CFLAR: variants seen among roughly 807,000 people sequenced by gnomAD.
The protein encoded by CFLAR is CASP8 and FADD like apoptosis regulator.
In CFLAR, 14 loss-of-function variants were observed where a neutral mutation model predicts 51.1. That is an observed-to-expected ratio of 0.27 (90% CI 0.18 to 0.43). The LOEUF is 0.43. CFLAR is among the 20% of genes least tolerant of loss of function. The probability of loss-of-function intolerance (pLI) is 1.00; values close to 1 mark genes in which losing one functional copy is unlikely to be tolerated. For synonymous variants in CFLAR, 210 were observed against 211.6 expected (o/e 0.99, Z 0.06); for missense variants, 390 against 566.5 (o/e 0.69, Z 3.16).
At chr2:201,151,745 C>T (rs1941316079) in intron 8 of CFLAR, among the ~76,000 whole-genome samples, 1 of 150,474 alleles carries the variant, frequency 6.6e-6, no homozygotes, top group Non-Finnish European at 1.5e-5. Context: ...AAAGCCATGA[C>T]CTGCTGTGAA....
chr2:201,132,076 G>A (rs1575653475), intron 2 of CFLAR, among the ~76,000 whole-genome samples: 1 of 151,858 alleles, frequency 6.6e-6, no homozygotes, highest in African/African-American at 2.4e-5. Flanking sequence ...CAGACTTTCC[G>A]GGAGGCACCA....
At chr2:201,133,603 T>G (rs1004210315) in intron 3 of CFLAR, among the ~76,000 whole-genome samples, 2 of 151,956 alleles carry the variant, frequency 1.3e-5, no homozygotes, top group African/African-American at 4.8e-5. Context: ...GTGACTGGTG[T>G]ATCTGGGAAA....
chr2:201,144,998 G>A (rs1425286647), intron 5 of CFLAR, among the ~76,000 whole-genome samples: 1 of 151,908 alleles, frequency 6.6e-6, no homozygotes, highest in Non-Finnish European at 1.5e-5. Context: ...GATTACAGGG[G>A]CACGCCACCA....
At chr2:201,143,737 G>T (rs575347502) in intron 5 of CFLAR, among the ~76,000 whole-genome samples, 1 of 152,300 alleles carries the variant, frequency 6.6e-6, no homozygotes, top group East Asian at 1.9e-4. Context: ...GCCGAGGCAG[G>T]TGGATCATGA....
intron 3 of CFLAR, 34 bp downstream of exon 3, chr2:201,133,168 A>AG: frequency 9.1e-6 from 14 of 1,542,638 alleles, no homozygotes; most frequent in Non-Finnish European, 1.3e-5. Flanking sequence ...TGGCCCCAGG[A>AG]GCCTATCAGA....
In CFLAR at chr2:201,163,890, A is replaced by T; in HGVS notation, c.1360A>T (p.Asn454Tyr). 6.2e-7 allele frequency: 1 copy of T among 1,614,148 alleles called. No individual in the cohort carries two copies. The highest frequency in any genetic ancestry group is 8.5e-7 in the Non-Finnish European group (1 of 1,180,004). Reference protein sequence around the residue: ...IELNGYMYDWNSRVSAKEKYY... With the variant: ...IELNGYMYDWYSRVSAKEKYY... ...ACTCAATGGCTACATGTATGATTGG[A>T]ACAGCAGAGTTTCTGCCAAGGAGAA... is the stretch of plus-strand genomic sequence containing the variant. Residue 454 changes from asparagine (N) to tyrosine (Y), a missense_variant, in exon 10 of 10, where the codon AAC (asparagine) becomes TAC (tyrosine). Asn to Tyr is a moderately radical substitution (Grantham distance 143, BLOSUM62 -2). Coordinates refer to ENST00000309955, the MANE Select transcript of CFLAR (RefSeq NM_003879.7).
chr2:201,151,005 C>T (rs1336277983), intron 8 of CFLAR: 1 of 152,154 alleles, frequency 6.6e-6, no homozygotes, highest in Non-Finnish European at 1.5e-5. Flanking sequence ...ATTCTGGCTT[C>T]ACATATTATC....
intron 3 of CFLAR, 92 bp downstream of exon 3, chr2:201,133,226 G>A (rs1575661831): frequency 3.4e-6 from 3 of 878,922 alleles, no homozygotes; most frequent in Non-Finnish European, 5.6e-6. Flanking sequence ...CAGGCAGTCT[G>A]CCGCCACTAT....
chr2:201,166,647 A>C lies in CFLAR; in HGVS notation c.*2674A>C, dbSNP rs911962164. ...GAGGCGGAGGCCGTAGCCAGCTGAG[A>C]TCACACCACTGCACTCCAGCCTGGG... On this transcript the variant is annotated 3_prime_UTR_variant, in exon 10 of 10. Transcript: ENST00000309955. 5.6e-6 allele frequency: 1 copy of C among 178,410 alleles called. No homozygotes were observed. The highest frequency in any genetic ancestry group is 1.2e-5 in the Non-Finnish European group (1 of 85,628). The allele number at this position is 178,410 out of a possible 1,614,324, so 11.1% of individuals were successfully genotyped here. A position where few individuals can be genotyped will look rare whatever the true frequency, so the allele number is the denominator to read the frequency against.
At position 201,138,184 on chromosome 2, in the gene CFLAR, C is replaced by T. The variant is rs2050402373; in HGVS notation, c.523+2077C>T. The T allele has an allele frequency of 4.1e-6, 4 of 968,682 alleles. No homozygotes were observed. The highest frequency in any genetic ancestry group is 1.6e-5 in the African/African-American group (1 of 62,530). 60.0% of individuals were successfully genotyped at this position (968,682 alleles called of 1,614,324 possible). On this transcript the variant is annotated intron_variant, in intron 4 of 9. Coordinates refer to ENST00000309955, the MANE Select transcript of CFLAR (RefSeq NM_003879.7). This position sits in a 1 kb window ranked among gnomAD's most constrained non-coding sequence, Gnocchi z 4.0. ...CCCCAATCACCTGGAGGTGGGGTTA[C>T]TTTTGTTTGATGTAATGCACCATGG...
At chr2:201,162,913 T>C in intron 9 of CFLAR, 1 of 661,834 alleles carries the variant, frequency 1.5e-6, no homozygotes, top group Non-Finnish European at 2.8e-6. Context: ...CTTCAGTTGT[T>C]GCACAGTGTT....
chr2:201,165,250 A>C lies in CFLAR; in HGVS notation c.*1277A>C, dbSNP rs569455273. ...AATATCATTAGAGTTGCTTATTATT[A>C]TTATTATTATTATTATTATTATTAT... On this transcript the variant is annotated 3_prime_UTR_variant, in exon 10 of 10. Transcript: ENST00000309955. 7.5e-3 allele frequency: 555 copies of C among 74,158 alleles called. 2 individuals are homozygous for C. Among genetic ancestry groups the C allele is most frequent in the African/African-American group, 0.019 (534 of 27,886 alleles). 4.6% of individuals were successfully genotyped at this position (74,158 alleles called of 1,614,324 possible).
Position 201,175,724 on chromosome 2 carries a change from C to G in CFLAR, c.*11751C>G, listed in dbSNP as rs1208723325. 6.6e-6 allele frequency: 1 copy of G among 152,180 alleles called. No homozygotes were observed. The highest frequency in any genetic ancestry group is 1.5e-5 in the Non-Finnish European group (1 of 68,050). The allele number at this position is 152,180 out of a possible 1,614,324, so 9.4% of individuals were successfully genotyped here. On this transcript the variant is annotated 3_prime_UTR_variant, in exon 10 of 10. Transcript: ENST00000309955. The stretch of plus-strand genomic sequence containing the variant: ...TGGTAAATCTGCAGCAACCTCAATT[C>G]TTTCCTCCTCAGAAGAAAGAATTTG...
Position 201,130,097 on chromosome 2 carries a change from G to C in CFLAR, c.232G>C (p.Ala78Pro). Residue 78 changes from alanine (A) to proline (P), a missense_variant, in exon 2 of 10, where the codon GCT becomes CCT. Physicochemically the swap from Ala to Pro is conservative, Grantham distance 27. Around this residue, in one of 2 missense-constraint regions of CFLAR, gnomAD observed 103 missense variants for 202.9 expected, o/e 0.51. Transcript: ENST00000309955. The stretch of plus-strand genomic sequence containing the variant: ...ACGTATCTTGAAGATGGACAGAAAA[G>C]CTGTGGAGACCCACCTGCTCAGGAA... The part of the protein sequence containing the change: ...LKRILKMDRK[A>P]VETHLLRNPH... 6.2e-7 allele frequency: 1 copy of C among 1,611,160 alleles called. No individual in the cohort carries two copies.
chr2:201,158,811 T>C (rs908093018), intron 8 of CFLAR, among the ~76,000 whole-genome samples: 1 of 151,710 alleles, frequency 6.6e-6, no homozygotes, highest in African/African-American at 2.4e-5. Flanking sequence ...ACAGTCCTGA[T>C]AACAGCTACC....
chr2:201,135,242 A>G (rs2049941742), intron 3 of CFLAR, among the ~76,000 whole-genome samples: 1 of 152,216 alleles, frequency 6.6e-6, no homozygotes, highest in South Asian at 2.1e-4. Flanking sequence ...CTTTAAAACT[A>G]TAACATGTGA....
At chr2:201,163,768 G>A (rs72931066) in intron 9 of CFLAR, 67 bp from the exon 10 acceptor site, 51,687 of 1,551,484 alleles carry the variant, frequency 0.033, 1,134 homozygotes, top group South Asian at 0.062. Flanking sequence ...GGCTCATTTC[G>A]CCCTAATGAC....
chr2:201,140,857 A>G (rs1447393649), intron 5 of CFLAR: 2 of 155,008 alleles, frequency 1.3e-5, no homozygotes, highest in African/African-American at 2.4e-5. Flanking sequence ...AACTTAAAAA[A>G]AGAAAATGTA....
intron 9 of CFLAR, chr2:201,163,388 C>T: frequency 1.7e-6 from 2 of 1,143,538 alleles, no homozygotes; most frequent in Non-Finnish European, 2.2e-6. Flanking sequence ...GTTTCTGAGC[C>T]ACCTGTCAAA....
Sources: gnomAD v4.1 joint callset for allele counts (sites outside exome capture counted in the v4.1 genomes callset) on GRCh38, gnomAD v4.1.1 for gene constraint, gnomAD v4.1.1 regional missense constraint, Gnocchi (gnomAD v3.1) non-coding constraint, MANE v1.5 for transcripts, NCBI Gene and HGNC (gene_info 2026-07-23, HGNC 2026-07-21) for gene names.